Variants in CD164 observed in about 807,000 individuals in gnomAD.
The protein encoded by CD164 is sialomucin core protein 24.
In CD164, 11 loss-of-function variants were observed where a neutral mutation model predicts 24.6. The ratio of observed to expected loss-of-function variants is 0.45; its 90% CI spans 0.28 to 0.74. The LOEUF (loss-of-function observed/expected upper bound fraction) is 0.74, where lower values mean the gene tolerates loss of function less well. Among genes scored for constraint, CD164 ranks in the 30% least tolerant of loss-of-function variants. CD164 has a pLI of 0.13. For synonymous variants in CD164, 126 were observed against 100.3 expected (o/e 1.26, Z -1.53); for missense variants, 295 against 243.7 (o/e 1.21, Z -1.40).
chr6:109,380,766 CAA>C (rs1396883704), intron 1 of CD164, among the ~76,000 whole-genome samples: 2 of 152,128 alleles, frequency 1.3e-5, no homozygotes, highest in Non-Finnish European at 1.5e-5. Context: ...TTCAATTACA[CAA>C]AGACAAATTA....
At position 109,370,485 on chromosome 6, in the gene CD164, T is replaced by G. The variant is rs369526532; in HGVS notation, c.371-18A>C. On this transcript the variant is annotated intron_variant, in intron 4 of 5. Coordinates refer to ENST00000310786, the MANE Select transcript of CD164 (RefSeq NM_006016.6). ...GGGTTTAGCTGGAATGAAAACAAAA[T>G]GTCTTTTTAAAAAACCTTAAATTTC... 10 of 1,605,658 alleles carry G rather than the reference T, an allele frequency of 6.2e-6. No individual in the cohort carries two copies. Among genetic ancestry groups the G allele is most frequent in the Admixed American group, 5.1e-5 (3 of 58,668 alleles).
chr6:109,378,097 T>C, intron 2 of CD164, 126 bp from the exon 3 acceptor site: 1 of 706,486 alleles, frequency 1.4e-6, no homozygotes, highest in Non-Finnish European at 2.4e-6. Context: ...GGAACCACTT[T>C]AGGTGTTTTG....
intron 1 of CD164, chr6:109,381,763 G>A: frequency 1.7e-6 from 1 of 572,520 alleles, no homozygotes; most frequent in East Asian, 3.0e-5. Context: ...TCCGGAGAGA[G>A]GCGCCGGGAG....
chr6:109,375,850 G>GC (rs1337892949), intron 4 of CD164: 19 of 487,528 alleles, frequency 3.9e-5, no homozygotes, highest in African/African-American at 2.7e-4. Context: ...AATGTACACA[G>GC]CCTCAGCAAA....
In CD164 at chr6:109,368,228, A is replaced by G. The variant is rs974034; in HGVS notation, c.*623T>C. 644,564 of 1,460,076 alleles carry G rather than the reference A, an allele frequency of 0.44. 147,606 individuals carry two copies. The highest frequency in any genetic ancestry group is 0.72 in the African/African-American group (49,400 of 68,998). The allele number at this position is 1,460,076 out of a possible 1,614,324, so 90.4% of individuals were successfully genotyped here. On this transcript the variant is annotated 3_prime_UTR_variant, in exon 6 of 6. Coordinates refer to ENST00000310786, the MANE Select transcript of CD164 (RefSeq NM_006016.6). ...TTCTTTATATTCTCAATGACATAAG[A>G]TGCTTTACAAGTATGAACAATAATC...
chr6:109,375,096 C>T (rs886849193), intron 4 of CD164, among the ~76,000 whole-genome samples: 6 of 152,092 alleles, frequency 3.9e-5, no homozygotes, highest in Admixed American at 2.0e-4. Flanking sequence ...GTTGAGGGCA[C>T]GGTAAAAACT....
rs1340533310 is a variant in CD164, at chr6:109,382,192, G to T, written c.175+12C>A. 6.5e-7 allele frequency: 1 copy of T among 1,535,876 alleles called. No individual in the cohort carries two copies. ...CAGGGGAGGGCGGGAAGCCCACAGG[G>T]CCCGCGCCCACCTGGTGCCGGAGTG... On this transcript the variant is annotated intron_variant, in intron 1 of 5. Coordinates refer to ENST00000310786, the MANE Select transcript of CD164 (RefSeq NM_006016.6).
At position 109,367,848 on chromosome 6, in the gene CD164, A is replaced by C. The variant is rs1770852874; in HGVS notation, c.*1003T>G. On this transcript the variant is annotated 3_prime_UTR_variant, in exon 6 of 6. Transcript: ENST00000310786. ...TGCCTCACCAAAGAAGTCACTACTC[A>C]AGACAGTCTGGTGGAAATCCTTTCA... 1 of 153,386 alleles carries C rather than the reference A, an allele frequency of 6.5e-6. No individual in the cohort carries two copies. Among genetic ancestry groups the C allele is most frequent in the South Asian group, 2.0e-4 (1 of 4,884 alleles). The allele number at this position is 153,386 out of a possible 1,614,324, so 9.5% of individuals were successfully genotyped here. A position where few individuals can be genotyped will look rare whatever the true frequency, so the allele number is the denominator to read the frequency against.
At chr6:109,375,717 A>T (rs1771363558) in intron 4 of CD164, among the ~76,000 whole-genome samples, 1 of 152,218 alleles carries the variant, frequency 6.6e-6, no homozygotes. Flanking sequence ...CATAAAAAAG[A>T]CTAGAAGAAA....
At chr6:109,369,305 C>A (rs1307300006) in intron 5 of CD164, among the ~76,000 whole-genome samples, 1 of 152,160 alleles carries the variant, frequency 6.6e-6, no homozygotes, top group Non-Finnish European at 1.5e-5. Context: ...TCAAACACTT[C>A]TAAAATATGC....
intron 4 of CD164, among the ~76,000 whole-genome samples, chr6:109,373,427 C>CTA (rs1771208864): frequency 6.6e-6 from 1 of 152,186 alleles, no homozygotes; most frequent in African/African-American, 2.4e-5. Context: ...AAGAAACCGC[C>CTA]TAAAGGTTTG....
Position 109,368,381 on chromosome 6 carries a change from T to C in CD164, c.*470A>G. 1.3e-6 allele frequency: 2 copies of C among 1,499,216 alleles called. No individual in the cohort carries two copies. The highest frequency in any genetic ancestry group is 8.9e-7 in the Non-Finnish European group (1 of 1,126,814). The allele number at this position is 1,499,216 out of a possible 1,614,324, so 92.9% of individuals were successfully genotyped here. ...ACAAAATTTTAATCTAAGGATACCA[T>C]TTAGTACTACTAAATTAATAAATTT... On this transcript the variant is annotated 3_prime_UTR_variant, in exon 6 of 6. Transcript: ENST00000310786.
chr6:109,381,967 C>A (rs532750274), intron 1 of CD164: 37 of 377,526 alleles, frequency 9.8e-5, no homozygotes, highest in African/African-American at 7.0e-4. Flanking sequence ...TCGAGGGGGG[C>A]CCCAGCCCCG....
At chr6:109,372,116 T>A (rs544188140) in intron 4 of CD164, 1 of 152,170 alleles carries the variant, frequency 6.6e-6, no homozygotes, top group Admixed American at 6.5e-5. Context: ...TAACTGTTGA[T>A]GAAGCACAGA....
chr6:109,370,459 T>C lies in CD164; in HGVS notation c.379A>G (p.Thr127Ala). 6.2e-7 allele frequency: 1 copy of C among 1,612,148 alleles called. No homozygotes were observed. ...VPTANSTAKP[T>A]VQPSPSTTSK... ...GTTGTAGAAGGGGAGGGCTGAACTGTGGGTTTAGCTGGAATGAAAACAAAA... is the reference window on the plus strand; with the variant it reads ...GTTGTAGAAGGGGAGGGCTGAACTGCGGGTTTAGCTGGAATGAAAACAAAA... The change falls in exon 5 of 6, where the codon ACA becomes GCA. Residue 127 changes from threonine (T) to alanine (A), a missense_variant. Transcript: ENST00000310786.
At chr6:109,381,686 G>C (rs955929325) in intron 1 of CD164, 1 of 667,848 alleles carries the variant, frequency 1.5e-6, no homozygotes, top group Non-Finnish European at 2.7e-6. Context: ...TCAGACTCAA[G>C]TCTGAGACAC....
At chr6:109,369,171 G>A (rs1443313344) in intron 5 of CD164, among the ~76,000 whole-genome samples, 154 bp from the exon 6 acceptor site, 2 of 152,168 alleles carry the variant, frequency 1.3e-5, no homozygotes, top group Admixed American at 6.5e-5. Context: ...AATTGAGGAA[G>A]ACAACCATAT....
At chr6:109,379,947 C>T (rs1002507639) in intron 1 of CD164, 8 of 251,594 alleles carry the variant, frequency 3.2e-5, no homozygotes, top group Admixed American at 5.5e-5. Context: ...AAGACACCCA[C>T]AGCCACTAAG....
chr6:109,370,245 C>CTAATGG (rs1228670354), intron 5 of CD164, among the ~76,000 whole-genome samples, 166 bp downstream of exon 5: 1 of 152,180 alleles, frequency 6.6e-6, no homozygotes, highest in Non-Finnish European at 1.5e-5. Context: ...GCAAAGCTAT[C>CTAATGG]ATTATTGTGT....
Sources: gnomAD v4.1 joint callset for allele counts (sites outside exome capture counted in the v4.1 genomes callset) on GRCh38, gnomAD v4.1.1 for gene constraint, MANE v1.5 for transcripts, NCBI Gene and HGNC (gene_info 2026-07-23, HGNC 2026-07-21) for gene names.